GPATCH2: variants seen among roughly 807,000 people sequenced by gnomAD.
GPATCH2 encodes the protein G patch domain-containing protein 2.
In GPATCH2, 51 loss-of-function variants were observed where a neutral mutation model predicts 58.0. The ratio of observed to expected loss-of-function variants is 0.88; its 90% CI spans 0.70 to 1.11. The LOEUF is 1.11. GPATCH2 is among the 50% of genes most tolerant of loss of function. GPATCH2 has a pLI of 0.00. For synonymous variants in GPATCH2, 222 were observed against 218.5 expected, an observed-to-expected ratio of 1.02 and a Z score of -0.14; for missense variants, 625 against 652.2, an observed-to-expected ratio of 0.96 and a Z score of 0.45.
chr1:217,476,047 C>T (rs1464528083), intron 8 of GPATCH2, among the ~76,000 whole-genome samples: 1 of 151,890 alleles, frequency 6.6e-6, no homozygotes, highest in Non-Finnish European at 1.5e-5. Flanking sequence ...AGGTGTTTAA[C>T]TTCTGTCAAG....
chr1:217,524,080 A>AC lies in GPATCH2; in HGVS notation c.1099-9192dup, dbSNP rs1276730362. Among the ~76,000 whole-genome samples, 8 of 131,060 alleles carry AC rather than the reference A, an allele frequency of 6.1e-5. 1 individual carries two copies. The highest frequency in any genetic ancestry group is 3.1e-4 in the Admixed American group (4 of 12,790). 86.0% of individuals were successfully genotyped at this position (131,060 alleles called of 152,430 possible). On this transcript the variant is annotated intron_variant, in intron 5 of 9. Transcript: ENST00000366935. Reference sequence around the variant, plus strand: ...GGGCGGCTGGCCAGGCGGGGGGCTGACCCCCCCACCTCCCTCCCAGACGGG... The same window carrying AC: ...GGGCGGCTGGCCAGGCGGGGGGCTGACCCCCCCCACCTCCCTCCCAGACGGG...
At chr1:217,491,251 C>G (rs1661718988) in intron 8 of GPATCH2, among the ~76,000 whole-genome samples, 1 of 151,988 alleles carries the variant, frequency 6.6e-6, no homozygotes, top group Non-Finnish European at 1.5e-5. Context: ...AAAAAATGAA[C>G]AAGATTATAA....
chr1:217,565,502 G>A (rs1234354422), intron 5 of GPATCH2, among the ~76,000 whole-genome samples: 1 of 152,068 alleles, frequency 6.6e-6, no homozygotes, highest in Non-Finnish European at 1.5e-5. Context: ...AAACAGGCAT[G>A]GACAACTGTA....
At chr1:217,444,449 A>G (rs1049219448) in intron 9 of GPATCH2, among the ~76,000 whole-genome samples, 40 of 152,136 alleles carry the variant, frequency 2.6e-4, no homozygotes, top group African/African-American at 9.7e-4. Context: ...GATGGCTTCA[A>G]ATTTTATTCA....
At position 217,620,357 on chromosome 1, in the gene GPATCH2, T is replaced by G; in HGVS notation, c.199A>C (p.Lys67Gln). The G allele has an allele frequency of 5.6e-6, 9 of 1,614,112 alleles. No homozygotes were observed. Among genetic ancestry groups the G allele is most frequent in the Non-Finnish European group, 7.6e-6 (9 of 1,180,014 alleles). ...ISCPLKRQAR[K>Q]RRGRKRRSYN... ...GACCTCCGTTTTCTCCCTCTCCTTT[T>G]CCTTGCCTGGCGTTTCAGAGGGCAA... Residue 67 changes from lysine to glutamine, a missense_variant, in exon 2 of 10, where the codon AAA becomes CAA. Physicochemically the swap from Lys to Gln is moderately conservative, Grantham distance 53 (BLOSUM62 1). Transcript: ENST00000366935.
At chr1:217,488,534 G>C (rs967851645) in intron 8 of GPATCH2, among the ~76,000 whole-genome samples, 4 of 151,750 alleles carry the variant, frequency 2.6e-5, no homozygotes, top group African/African-American at 9.7e-5. Context: ...CATATATCCT[G>C]TTCCTTCTTT....
At chr1:217,543,404 G>T (rs186482614) in intron 5 of GPATCH2, among the ~76,000 whole-genome samples, 175 of 151,830 alleles carry the variant, frequency 1.2e-3, no homozygotes, top group African/African-American at 3.8e-3. Context: ...CGAGTAGCTG[G>T]GACTACAGGC....
rs540539448 is a variant in GPATCH2, at chr1:217,490,662, CT to C, written c.1277+1017del. Among the ~76,000 whole-genome samples, 16 of 152,256 alleles carry C rather than the reference CT, an allele frequency of 1.1e-4. No individual in the cohort carries two copies. In the East Asian group the frequency reaches 3.1e-3, roughly 29 times the overall value. The stretch of plus-strand genomic sequence containing the variant: ...TTCTAAAAATTATATACATTTTTCA[CT>C]TCTTATTGATTCATTTTTATGGTGT... On this transcript the variant is annotated intron_variant, in intron 8 of 9. Coordinates refer to ENST00000366935, the MANE Select transcript of GPATCH2 (RefSeq NM_018040.5).
chr1:217,577,467 T>C (rs774458173), intron 5 of GPATCH2, among the ~76,000 whole-genome samples: 5 of 152,102 alleles, frequency 3.3e-5, no homozygotes, highest in Non-Finnish European at 7.4e-5. Flanking sequence ...TGAGATAGAG[T>C]ATCCAAGTTA....
intron 6 of GPATCH2, among the ~76,000 whole-genome samples, chr1:217,508,386 A>T (rs1310628502): frequency 3.9e-5 from 6 of 152,168 alleles, no homozygotes; most frequent in Non-Finnish European, 1.5e-5. Context: ...TCATCATAGG[A>T]TTATAATGAG....
chr1:217,447,142 G>A (rs1659428896), intron 9 of GPATCH2, among the ~76,000 whole-genome samples: 1 of 152,140 alleles, frequency 6.6e-6, no homozygotes, highest in Non-Finnish European at 1.5e-5. Context: ...CAAGACTGAT[G>A]ACATGTGTTT....
intron 9 of GPATCH2, among the ~76,000 whole-genome samples, chr1:217,443,464 C>T (rs1194676105): frequency 6.6e-6 from 1 of 152,106 alleles, no homozygotes. Flanking sequence ...AGTCATTCTC[C>T]TTGTCTTTGG....
intron 5 of GPATCH2, chr1:217,608,335 GA>G: frequency 5.1e-6 from 5 of 984,684 alleles, no homozygotes; most frequent in Non-Finnish European, 6.0e-6. Flanking sequence ...ACATAGACCA[GA>G]AAAACAGCTT....
chr1:217,571,708 AAAAAAAAAAAAAC>A (rs910868874), intron 5 of GPATCH2, among the ~76,000 whole-genome samples: 17 of 148,322 alleles, frequency 1.1e-4, no homozygotes, highest in Middle Eastern at 7.0e-3. Flanking sequence ...GAAACCAAAA[AAAAAAAAAAAAAC>A]AAAAAAGAAG....
intron 5 of GPATCH2, among the ~76,000 whole-genome samples, chr1:217,520,253 A>G (rs1213986470): frequency 6.6e-6 from 1 of 152,166 alleles, no homozygotes; most frequent in Non-Finnish European, 1.5e-5. Flanking sequence ...GTTTCAGACA[A>G]TGTCCTCCTA....
intron 8 of GPATCH2, among the ~76,000 whole-genome samples, chr1:217,454,750 G>T: frequency 7.1e-6 from 1 of 140,360 alleles, no homozygotes; most frequent in Non-Finnish European, 1.5e-5. Flanking sequence ...CCACCCTCCC[G>T]GCCCCCACGG....
At chr1:217,441,728 C>G (rs939518708) in intron 9 of GPATCH2, among the ~76,000 whole-genome samples, 1 of 151,734 alleles carries the variant, frequency 6.6e-6, no homozygotes, top group Non-Finnish European at 1.5e-5. Flanking sequence ...ATGTGGCCAA[C>G]AAATATGAAA....
chr1:217,581,828 G>A (rs1433191284), intron 5 of GPATCH2, among the ~76,000 whole-genome samples: 1 of 152,188 alleles, frequency 6.6e-6, no homozygotes, highest in Non-Finnish European at 1.5e-5. Context: ...ATGGGCGCCT[G>A]TGATCCCAGC....
chr1:217,582,104 T>C (rs1667108865), intron 5 of GPATCH2, among the ~76,000 whole-genome samples: 1 of 152,180 alleles, frequency 6.6e-6, no homozygotes, highest in African/African-American at 2.4e-5. Flanking sequence ...ACAACTAGCC[T>C]GAATTGGGTT....
Sources: allele counts gnomAD v4.1 joint callset (sites outside exome capture counted in the v4.1 genomes callset), GRCh38; gene constraint gnomAD v4.1.1; transcripts MANE v1.5; gene names NCBI Gene and HGNC (gene_info 2026-07-23, HGNC 2026-07-21).